CHAF1A: variants seen among roughly 807,000 people sequenced by gnomAD.
The protein encoded by CHAF1A is CAF-1 subunit A.
A neutral mutation model predicts 93.2 loss-of-function variants in CHAF1A; 5 were observed. The ratio of observed to expected loss-of-function variants is 0.05; its 90% CI spans 0.03 to 0.11. CHAF1A has a LOEUF of 0.11. Among genes scored for constraint, CHAF1A ranks in the 10% least tolerant of loss-of-function variants. The pLI is 1.00. For missense variants in CHAF1A, 1,102 were observed against 1,259.9 expected, an observed-to-expected ratio of 0.87 and a Z score of 1.90; for synonymous variants, 504 against 510.3, an observed-to-expected ratio of 0.99 and a Z score of 0.17.
Position 4,433,662 on chromosome 19 carries a change from G to C in CHAF1A, c.2673+123G>C. 1.3e-6 allele frequency: 1 copy of C among 753,162 alleles called. No individual in the cohort carries two copies. Among genetic ancestry groups the C allele is most frequent in the Non-Finnish European group, 2.1e-6 (1 of 471,770 alleles). 46.7% of individuals were successfully genotyped at this position (753,162 alleles called of 1,614,324 possible). A position where few individuals can be genotyped will look rare whatever the true frequency, so the allele number is the denominator to read the frequency against. The stretch of plus-strand genomic sequence containing the variant: ...GTCACCCAGGCTGGAGTGCAGTGGC[G>C]CAATCTCAGCTCACTGCAACCTCCT... On this transcript the variant is annotated intron_variant, in intron 13 of 14. Transcript: ENST00000301280. The surrounding 1 kb of genome is among the most constrained non-coding windows in gnomAD (Gnocchi z 5.6).
chr19:4,417,457 C>CTTTT lies in CHAF1A; in HGVS notation c.961-545_961-542dup, dbSNP rs397768061. On this transcript the variant is annotated intron_variant, in intron 3 of 14. Transcript: ENST00000301280. ...TCCCTGTCGCCCAGGCCAGCTGTCG[C>CTTTT]TTTTTTTTTTTTTTTTTTTTTAAGA... Among the ~76,000 whole-genome samples the CTTTT allele has an allele frequency of 1.7e-4, 18 of 103,086 alleles. 2 individuals carry two copies. In the East Asian group the frequency reaches 2.0e-3, roughly 11 times the overall value. The allele number at this position is 103,086 out of a possible 152,430, so 67.6% of individuals were successfully genotyped here. A position where few individuals can be genotyped will look rare whatever the true frequency, so the allele number is the denominator to read the frequency against.
chr19:4,407,208 A>ACT (rs1415727837), intron 2 of CHAF1A, among the ~76,000 whole-genome samples: 3 of 151,386 alleles, frequency 2.0e-5, no homozygotes, highest in South Asian at 2.1e-4. Context: ...ACAGAGCAAG[A>ACT]CTCTGTCTCA....
chr19:4,431,993 G>A lies in CHAF1A; in HGVS notation c.1989G>A (p.Leu663=). The A allele has an allele frequency of 5.6e-6, 9 of 1,613,394 alleles. No individual in the cohort carries two copies. Among genetic ancestry groups the A allele is most frequent in the Non-Finnish European group, 7.6e-6 (9 of 1,179,398 alleles). ...DPENHKVRQK[L]KAKEWDEFLA... is the part of the protein sequence containing the mutation. ...AGAACCATAAGGTCCGCCAGAAACT[G>A]AAGGCCAAGGAGTGGGACGAGTTCC... Residue 663 remains leucine (L), a synonymous_variant, in exon 12 of 15, where the codon CTG becomes CTA. Coordinates refer to ENST00000301280, the MANE Select transcript of CHAF1A (RefSeq NM_005483.3).
At chr19:4,446,812 C>T (rs1203148105), downstream of CHAF1A, 5 of 1,613,872 alleles carry the variant, frequency 3.1e-6, no homozygotes, top group African/African-American at 2.7e-5. Flanking sequence ...CCATTCCCTA[C>T]TCAGCCAGGC....
intron 13 of CHAF1A, among the ~76,000 whole-genome samples, chr19:4,437,948 A>C (rs858046): frequency 1.3e-5 from 2 of 152,006 alleles, no homozygotes. Context: ...TCACTGTGTT[A>C]GCCAGGATGG....
intron 13 of CHAF1A, among the ~76,000 whole-genome samples, chr19:4,440,891 G>T (rs1054447659): frequency 7.9e-5 from 12 of 151,242 alleles, no homozygotes. Flanking sequence ...AGGCTGACGT[G>T]GGCGAATCCT....
Position 4,433,018 on chromosome 19 carries a change from G to T in CHAF1A, c.2204-52G>T. On this transcript the variant is annotated intron_variant, in intron 12 of 14. Transcript: ENST00000301280. The surrounding 1 kb of genome is among the most constrained non-coding windows in gnomAD (Gnocchi z 5.6). ...GTATGTGTTTTGTTTTTTGGCCTGT[G>T]GTGATGGGTGGCTCCCCAAGCCTCA... is the stretch of plus-strand genomic sequence containing the variant. 1.4e-6 allele frequency: 2 copies of T among 1,406,392 alleles called. No homozygotes were observed. The highest frequency in any genetic ancestry group is 1.9e-6 in the Non-Finnish European group (2 of 1,042,948). The allele number at this position is 1,406,392 out of a possible 1,614,324, so 87.1% of individuals were successfully genotyped here.
At chr19:4,408,461 CTTTTTTTTTTTTTTTTTT>C (rs778100682) in intron 2 of CHAF1A, among the ~76,000 whole-genome samples, 1 of 36,012 alleles carries the variant, frequency 2.8e-5, no homozygotes, top group Non-Finnish European at 4.3e-5. Context: ...CGCACCCGGC[CTTTTTTTTTTTTTTTTTT>C]TTTTTTTTTT....
intron 1 of CHAF1A, 67 bp from the exon 2 acceptor site, chr19:4,405,845 A>G (rs1005589044): frequency 2.1e-6 from 3 of 1,414,406 alleles, no homozygotes; most frequent in Non-Finnish European, 3.0e-6. Context: ...TTGGCTCTAC[A>G]TATGTATTTG....
intron 2 of CHAF1A, among the ~76,000 whole-genome samples, chr19:4,408,102 G>A (rs961990006): frequency 1.3e-5 from 2 of 151,404 alleles, no homozygotes; most frequent in African/African-American, 2.4e-5. Flanking sequence ...TACCTCCTGG[G>A]CTCAAGCGAT....
At chr19:4,420,932 C>T (rs574238578) in intron 4 of CHAF1A, among the ~76,000 whole-genome samples, 2 of 152,030 alleles carry the variant, frequency 1.3e-5, no homozygotes, top group South Asian at 2.1e-4. Flanking sequence ...GGTGTGGTGA[C>T]AGGTGCCTGT....
At chr19:4,435,008 C>G (rs1215761432) in intron 13 of CHAF1A, among the ~76,000 whole-genome samples, 1 of 151,316 alleles carries the variant, frequency 6.6e-6, no homozygotes, top group Non-Finnish European at 1.5e-5. Flanking sequence ...CATAGATCGG[C>G]TTTGTTAACG....
intron 1 of CHAF1A, among the ~76,000 whole-genome samples, chr19:4,403,220 C>T (rs1011431144): frequency 1.5e-5 from 2 of 134,394 alleles, no homozygotes; most frequent in African/African-American, 2.8e-5. Flanking sequence ...GTCGCACGGG[C>T]TCGGGGACCA....
downstream of CHAF1A, chr19:4,445,059 T>C (rs1599670466): frequency 5.6e-6 from 1 of 179,242 alleles, no homozygotes; most frequent in Admixed American, 5.6e-5. Flanking sequence ...TGCAGGTCTA[T>C]GTGCAGGAAG....
chr19:4,437,360 G>T (rs1974303965), intron 13 of CHAF1A, among the ~76,000 whole-genome samples: 1 of 151,278 alleles, frequency 6.6e-6, no homozygotes, highest in Middle Eastern at 3.4e-3. Context: ...GGCATCCTCT[G>T]TTTTTTTTTG....
intron 3 of CHAF1A, among the ~76,000 whole-genome samples, chr19:4,414,456 A>G (rs1421778539): frequency 1.3e-5 from 2 of 151,734 alleles, no homozygotes; most frequent in Non-Finnish European, 1.5e-5. Context: ...CTGTTCTCCC[A>G]GGAGGTTGCC....
rs1268266182 is a variant in CHAF1A, at chr19:4,423,923, T to C, written c.1377+49T>C. On this transcript the variant is annotated intron_variant, in intron 7 of 14. Coordinates refer to ENST00000301280, the MANE Select transcript of CHAF1A (RefSeq NM_005483.3). ...TTTGGGTTTCAGCTCTGCTAGACTT[T>C]TCCTTTCTGAAAGTGAAAGGGTCTC... The C allele has an allele frequency of 1.9e-6, 3 of 1,562,452 alleles. No homozygotes were observed. In the African/African-American group the frequency reaches 4.1e-5, roughly 21 times the overall value.
intron 13 of CHAF1A, among the ~76,000 whole-genome samples, chr19:4,438,714 TG>T (rs1284277770): frequency 2.0e-5 from 3 of 152,188 alleles, no homozygotes; most frequent in African/African-American, 7.2e-5. Context: ...CCGGGTGTGG[TG>T]GCTCATGCCT....
At chr19:4,435,087 C>T (rs1302124871) in intron 13 of CHAF1A, among the ~76,000 whole-genome samples, 7 of 87,972 alleles carry the variant, frequency 8.0e-5, no homozygotes, top group Non-Finnish European at 1.0e-4. Flanking sequence ...CTTTTTTTTC[C>T]TTTTTTTTTT....
Sources: allele counts gnomAD v4.1 joint callset (sites outside exome capture counted in the v4.1 genomes callset), GRCh38; gene constraint gnomAD v4.1.1; non-coding constraint Gnocchi (gnomAD v3.1); transcripts MANE v1.5; gene names NCBI Gene and HGNC (gene_info 2026-07-23, HGNC 2026-07-21).